Variants in PCDHGB1 observed in about 807,000 individuals in gnomAD.
PCDHGB1 encodes the protein protocadherin gamma-B1.
In PCDHGB1, 34 loss-of-function variants were observed where a neutral mutation model predicts 56.6. The ratio of observed to expected loss-of-function variants is 0.60; its 90% CI spans 0.46 to 0.80. PCDHGB1 has a LOEUF of 0.80. Among genes scored for constraint, PCDHGB1 ranks in the 30% least tolerant of loss-of-function variants. PCDHGB1 has a pLI of 0.00. For synonymous variants in PCDHGB1, 561 were observed against 505.9 expected (o/e 1.11, Z -1.46); for missense variants, 1,278 against 1,204.6 (o/e 1.06, Z -0.90).
chr5:141,477,749 C>A lies in PCDHGB1; in HGVS notation c.2410-17058C>A, dbSNP rs2099417192. The A allele has an allele frequency of 6.2e-7, 1 of 1,613,786 alleles. No homozygotes were observed. Among genetic ancestry groups the A allele is most frequent in the African/African-American group, 1.3e-5 (1 of 74,928 alleles). ...AGCTCATATCAGCGATGGGGGCACCCCGGTCCTAGCCACCAACATCAGCGT... is the reference window on the plus strand; with the variant it reads ...AGCTCATATCAGCGATGGGGGCACCACGGTCCTAGCCACCAACATCAGCGT... On this transcript the variant is annotated intron_variant, in intron 1 of 3. Coordinates refer to ENST00000523390, the MANE Select transcript of PCDHGB1 (RefSeq NM_018922.3). This position sits in a 1 kb window ranked among gnomAD's most constrained non-coding sequence, Gnocchi z 4.9.
At chr5:141,389,463 GA>G in intron 1 of PCDHGB1, 1 of 1,613,310 alleles carries the variant, frequency 6.2e-7, no homozygotes, top group Non-Finnish European at 8.5e-7. Context: ...GCGCGCCTTC[GA>G]ACTCACACTG....
intron 3 of PCDHGB1, among the ~76,000 whole-genome samples, chr5:141,506,877 G>A (rs998146154): frequency 1.3e-5 from 2 of 152,142 alleles, no homozygotes; most frequent in Non-Finnish European, 2.9e-5. Flanking sequence ...AGAGAACCAG[G>A]TGAAATCACA....
chr5:141,395,542 TTGTGTGTGTGTGTGTGTGTG>T (rs55729045), intron 1 of PCDHGB1: 12 of 172,620 alleles, frequency 7.0e-5, no homozygotes, highest in Admixed American at 1.6e-4. Flanking sequence ...TTGCTATTGT[TTGTGTGTGTGTGTGTGTGTG>T]TGTGTGTGTG....
At chr5:141,399,742 A>G in intron 1 of PCDHGB1, 14 of 1,613,320 alleles carry the variant, frequency 8.7e-6, no homozygotes, top group Non-Finnish European at 1.2e-5. Flanking sequence ...GCCTGCGCTC[A>G]GCGCAAACGT....
chr5:141,371,774 T>A, intron 1 of PCDHGB1: 1 of 1,614,000 alleles, frequency 6.2e-7, no homozygotes, highest in Non-Finnish European at 8.5e-7. Flanking sequence ...ACACCGTGCA[T>A]GTAGCTGAGA....
chr5:141,387,784 T>C (rs2091093181), intron 1 of PCDHGB1: 11 of 1,472,396 alleles, frequency 7.5e-6, no homozygotes, highest in African/African-American at 4.2e-5. Flanking sequence ...GAACTGGAAC[T>C]GCAACTAAAG....
intron 1 of PCDHGB1, chr5:141,424,482 T>C (rs779975685): frequency 1.3e-5 from 2 of 152,216 alleles, no homozygotes; most frequent in Non-Finnish European, 2.9e-5. Context: ...TACTTTGGTG[T>C]CTGTGTTTGT....
chr5:141,373,015 TG>T (rs1769262754), intron 1 of PCDHGB1, among the ~76,000 whole-genome samples: 1 of 152,232 alleles, frequency 6.6e-6, no homozygotes, highest in Non-Finnish European at 1.5e-5. Flanking sequence ...AGCCTCCTTT[TG>T]ATAGTCTTGA....
chr5:141,442,534 GA>G (rs1156284172), intron 1 of PCDHGB1: 1 of 152,222 alleles, frequency 6.6e-6, no homozygotes, highest in Non-Finnish European at 1.5e-5. Context: ...TCTCCAAGGT[GA>G]AAAATTCTTG....
At chr5:141,399,107 G>A in intron 1 of PCDHGB1, 1 of 1,613,794 alleles carries the variant, frequency 6.2e-7, no homozygotes, top group Non-Finnish European at 8.5e-7. Flanking sequence ...GTTGCACAAT[G>A]TACAGTTGAA....
At chr5:141,403,251 C>G (rs1276332038) in intron 1 of PCDHGB1, 41 of 1,613,756 alleles carry the variant, frequency 2.5e-5, no homozygotes, top group Non-Finnish European at 3.4e-5. Context: ...GCTCAGAGCC[C>G]GCGGTGTCTG....
chr5:141,372,826 C>T lies in PCDHGB1; in HGVS notation c.2409+20157C>T, dbSNP rs376912168. 327 of 1,554,742 alleles carry T rather than the reference C, an allele frequency of 2.1e-4. 8 individuals are homozygous for T. The South Asian group carries it at 3.7e-3, about 18-fold the overall frequency. ...TTGCAAAAGGTGAGTTTCTTCAAAC[C>T]TTTCCTTCCATAAATATAATTGGGT... is the stretch of plus-strand genomic sequence containing the variant. On this transcript the variant is annotated intron_variant, in intron 1 of 3. Coordinates refer to ENST00000523390, the MANE Select transcript of PCDHGB1 (RefSeq NM_018922.3).
At position 141,415,520 on chromosome 5, in the gene PCDHGB1, C is replaced by A. The variant is rs200535016; in HGVS notation, c.2409+62851C>A. The A allele has an allele frequency of 1.8e-4, 288 of 1,614,072 alleles. 3 individuals carry two copies. The highest frequency in any genetic ancestry group is 6.7e-5 in the Non-Finnish European group (79 of 1,180,044). On this transcript the variant is annotated intron_variant, in intron 1 of 3. Coordinates refer to ENST00000523390, the MANE Select transcript of PCDHGB1 (RefSeq NM_018922.3). Reference sequence around the variant, plus strand: ...TTCCCCCAGCCCAATTATGCGGACACGCTCATCAGCCAGGAGAGCTGTGAG... The same window carrying A: ...TTCCCCCAGCCCAATTATGCGGACAAGCTCATCAGCCAGGAGAGCTGTGAG...
chr5:141,430,796 C>A, intron 1 of PCDHGB1: 1 of 1,522,232 alleles, frequency 6.6e-7, no homozygotes, highest in Middle Eastern at 1.8e-4. Context: ...CTACAAAGGG[C>A]TTGTCCTGCT....
Position 141,511,229 on chromosome 5 carries a change from T to G in PCDHGB1, c.*56T>G. 6.3e-7 allele frequency: 1 copy of G among 1,598,500 alleles called. No homozygotes were observed. Among genetic ancestry groups the G allele is most frequent in the Non-Finnish European group, 8.5e-7 (1 of 1,172,476 alleles). On this transcript the variant is annotated 3_prime_UTR_variant, in exon 4 of 4. Transcript: ENST00000523390. ...GCCTCTCCCCAACCAGCCCAGCTTC[T>G]CCTTACCTGCACCCAGGCCTCAGAG...
intron 1 of PCDHGB1, chr5:141,361,614 G>A (rs919763957): frequency 2.4e-5 from 39 of 1,613,828 alleles, no homozygotes; most frequent in Non-Finnish European, 3.0e-5. Flanking sequence ...CCATCGTAGC[G>A]AGCGACCTGA....
intron 1 of PCDHGB1, chr5:141,409,494 C>G (rs755680835): frequency 6.2e-7 from 1 of 1,614,028 alleles, no homozygotes; most frequent in Non-Finnish European, 8.5e-7. Flanking sequence ...GGCAAGCCGC[C>G]TCTTTCTTCC....
chr5:141,482,923 AT>A (rs1193255251), intron 1 of PCDHGB1, among the ~76,000 whole-genome samples: 10 of 152,074 alleles, frequency 6.6e-5, no homozygotes, highest in Non-Finnish European at 1.5e-4. Context: ...AATACAAAAA[AT>A]TAGCCAGGTG....
At chr5:141,400,467 ATCTGGGGCCTTATT>A in intron 1 of PCDHGB1, 1 of 1,614,042 alleles carries the variant, frequency 6.2e-7, no homozygotes, top group Non-Finnish European at 8.5e-7. Flanking sequence ...GTGGTGATTC[ATCTGGGGCCTTATT>A]TCCACTTTGT....
Sources: allele counts gnomAD v4.1 joint callset (sites outside exome capture counted in the v4.1 genomes callset), GRCh38; gene constraint gnomAD v4.1.1; non-coding constraint Gnocchi (gnomAD v3.1); transcripts MANE v1.5; gene names NCBI Gene and HGNC (gene_info 2026-07-23, HGNC 2026-07-21).